Variants in GRHL2 observed in about 807,000 individuals in gnomAD.
GRHL2 encodes the protein grainyhead like transcription factor 2.
A neutral mutation model predicts 83.8 loss-of-function variants in GRHL2; 21 were observed. That is an observed-to-expected ratio of 0.25 (90% CI 0.18 to 0.36). GRHL2 has a LOEUF of 0.36. GRHL2 is among the 10% of genes least tolerant of loss of function. The probability of loss-of-function intolerance (pLI) is 1.00; values close to 1 mark genes in which losing one functional copy is unlikely to be tolerated. For synonymous variants in GRHL2, 280 were observed against 278.9 expected (o/e 1.00, Z -0.04); for missense variants, 623 against 781.8 (o/e 0.80, Z 2.42).
At chr8:101,538,967 A>G (rs1811099045) in intron 1 of GRHL2, among the ~76,000 whole-genome samples, 1 of 152,246 alleles carries the variant, frequency 6.6e-6, no homozygotes, top group South Asian at 2.1e-4. Context: ...GGATTCATCA[A>G]CAATTTCATT....
intron 1 of GRHL2, among the ~76,000 whole-genome samples, chr8:101,496,387 T>G (rs1810106186): frequency 1.3e-5 from 2 of 152,226 alleles, no homozygotes; most frequent in African/African-American, 4.8e-5. Context: ...TGTTTACATT[T>G]GGCTATGCAA....
chr8:101,534,517 C>G (rs907946721), intron 1 of GRHL2, among the ~76,000 whole-genome samples: 4 of 151,840 alleles, frequency 2.6e-5, no homozygotes, highest in African/African-American at 9.7e-5. Flanking sequence ...TCTGCTATGT[C>G]CTATTGGTCA....
At chr8:101,662,745 TAGAAC>T (rs1341599402) in intron 14 of GRHL2, among the ~76,000 whole-genome samples, 9 of 152,126 alleles carry the variant, frequency 5.9e-5, no homozygotes, top group Non-Finnish European at 1.0e-4. Context: ...TAAAAATAAA[TAGAAC>T]AGAATTTTTC....
Position 101,509,984 on chromosome 8 carries a change from TTTTA to T in GRHL2, c.20+17215_20+17218del, listed in dbSNP as rs150177284. Among the ~76,000 whole-genome samples the T allele has an allele frequency of 1.8e-4, 27 of 152,156 alleles. No individual in the cohort carries two copies. In the East Asian group the frequency reaches 4.8e-3, roughly 27 times the overall value. Reference sequence around the variant, plus strand: ...TTAAGTAATTGGTTGTATTGCATATTTTTATTTATTTATTTATTTATTTTGAGAC... The same window carrying T: ...TTAAGTAATTGGTTGTATTGCATATTTTTATTTATTTATTTATTTTGAGAC... On this transcript the variant is annotated intron_variant, in intron 1 of 15. Coordinates refer to ENST00000646743, the MANE Select transcript of GRHL2 (RefSeq NM_024915.4).
At chr8:101,637,052 C>CCG (rs1813302341) in intron 12 of GRHL2, 124 bp downstream of exon 12, 1 of 863,874 alleles carries the variant, frequency 1.2e-6, no homozygotes, top group Non-Finnish European at 2.0e-6. Context: ...GGACTCAGAG[C>CCG]TGAGAGACGC....
chr8:101,577,538 C>G lies in GRHL2; in HGVS notation c.1003+19C>G, dbSNP rs767163573. The G allele has an allele frequency of 1.4e-5, 20 of 1,475,246 alleles. No homozygotes were observed. The highest frequency in any genetic ancestry group is 1.7e-5 in the Non-Finnish European group (18 of 1,054,170). The allele number at this position is 1,475,246 out of a possible 1,614,324, so 91.4% of individuals were successfully genotyped here. A position where few individuals can be genotyped will look rare whatever the true frequency, so the allele number is the denominator to read the frequency against. On this transcript the variant is annotated intron_variant, in intron 7 of 15. Transcript: ENST00000646743. ...GACATTGGTAAGTTGACCTTGACTTCCCTGTATAGTCCTCGATAAACTGAC... is the reference window on the plus strand; with the variant it reads ...GACATTGGTAAGTTGACCTTGACTTGCCTGTATAGTCCTCGATAAACTGAC...
intron 13 of GRHL2, among the ~76,000 whole-genome samples, chr8:101,646,228 C>T (rs983542565): frequency 1.3e-5 from 2 of 152,214 alleles, no homozygotes; most frequent in Non-Finnish European, 2.9e-5. Flanking sequence ...TACATTTGAA[C>T]CTCATTCTTG....
intron 5 of GRHL2, among the ~76,000 whole-genome samples, chr8:101,572,545 G>A (rs1462870983): frequency 2.0e-5 from 3 of 152,150 alleles, no homozygotes; most frequent in African/African-American, 7.2e-5. Context: ...AGTCATCTTT[G>A]TGCCCAGCCT....
At chr8:101,496,091 T>A (rs1810096736) in intron 1 of GRHL2, among the ~76,000 whole-genome samples, 1 of 142,728 alleles carries the variant, frequency 7.0e-6, no homozygotes, top group South Asian at 2.2e-4. Flanking sequence ...GGGGTTGCAG[T>A]GAGCTGAGAT....
At chr8:101,652,374 ATGTGTGTGTGGTGTGTGTGTGTGTC>A (rs1813656046) in intron 14 of GRHL2, among the ~76,000 whole-genome samples, 1 of 92,368 alleles carries the variant, frequency 1.1e-5, no homozygotes, top group African/African-American at 7.0e-5. Flanking sequence ...TGTGTGTCTG[ATGTGTGTGTGGTGTGTGTGTGTGTC>A]TGGTGTGTGT....
intron 8 of GRHL2, among the ~76,000 whole-genome samples, chr8:101,612,516 GATAGATACATACATACATACATAC>G (rs1812772375): frequency 1.3e-5 from 1 of 79,736 alleles, no homozygotes; most frequent in Admixed American, 1.3e-4. Flanking sequence ...TAGATAGATA[GATAGATACATACATACATACATAC>G]ATACATACAT....
At position 101,558,773 on chromosome 8, in the gene GRHL2, C is replaced by G. The variant is rs532798712; in HGVS notation, c.639C>G (p.Asp213Glu). 6.2e-7 allele frequency: 1 copy of G among 1,614,168 alleles called. No homozygotes were observed. Among genetic ancestry groups the G allele is most frequent in the East Asian group, 2.2e-5 (1 of 44,866 alleles). The part of the protein sequence containing the change: ...YLKDDQRSTP[D>E]STYSESFKDA... ...AAGACGACCAGCGCAGCACTCCGGACAGCACATACAGCGAGAGCTTCAAGG... is the reference window on the plus strand; with the variant it reads ...AAGACGACCAGCGCAGCACTCCGGAGAGCACATACAGCGAGAGCTTCAAGG... Residue 213 changes from aspartate to glutamate, a missense_variant, in exon 4 of 16, where the codon GAC becomes GAG. Asp to Glu is a conservative substitution (Grantham distance 45, BLOSUM62 2). This residue lies in a region of GRHL2 where 239 missense variants were observed against 240.5 expected (regional missense o/e 0.99). Transcript: ENST00000646743.
At chr8:101,566,378 AG>A (rs1811716969) in intron 4 of GRHL2, among the ~76,000 whole-genome samples, 1 of 106,140 alleles carries the variant, frequency 9.4e-6, no homozygotes, top group South Asian at 3.0e-4. Flanking sequence ...GTTCTGTTAA[AG>A]CTGTTATTTA....
chr8:101,523,233 G>C (rs902138626), intron 1 of GRHL2, among the ~76,000 whole-genome samples: 1 of 151,522 alleles, frequency 6.6e-6, no homozygotes, highest in African/African-American at 2.4e-5. Flanking sequence ...TTCTTACAAG[G>C]AATGAAAGGG....
At chr8:101,574,814 A>T (rs1811901540) in intron 6 of GRHL2, among the ~76,000 whole-genome samples, 1 of 152,234 alleles carries the variant, frequency 6.6e-6, no homozygotes, top group Non-Finnish European at 1.5e-5. Context: ...GAGTCATAAA[A>T]TAACAATTTA....
intron 7 of GRHL2, among the ~76,000 whole-genome samples, chr8:101,586,754 T>C (rs1812179603): frequency 6.6e-6 from 1 of 152,162 alleles, no homozygotes; most frequent in African/African-American, 2.4e-5. Context: ...ATGTGTGGTT[T>C]TGTGCGTTTA....
In GRHL2 at chr8:101,649,473, C is replaced by G; in HGVS notation, c.1672C>G (p.Pro558Ala). 1.2e-6 allele frequency: 2 copies of G among 1,613,928 alleles called. No individual in the cohort carries two copies. The highest frequency in any genetic ancestry group is 1.3e-5 in the African/African-American group (1 of 75,020). The change falls in exon 14 of 16, where the codon CCC (proline) becomes GCC (alanine). Residue 558 changes from proline (P) to alanine (A), a missense_variant. Physicochemically the swap from Pro to Ala is conservative, Grantham distance 27. This residue lies in a region of GRHL2 where 210 missense variants were observed against 254.8 expected (regional missense o/e 0.82). Coordinates refer to ENST00000646743, the MANE Select transcript of GRHL2 (RefSeq NM_024915.4). ...GTTCGATGCATTGATGTTGAAGTCT[C>G]CCACAGTGAAGGGCCTGATGGAAGC... ...DVFDALMLKS[P>A]TVKGLMEAIS... is the part of the protein sequence containing the mutation.
At chr8:101,565,650 G>C (rs1811701943) in intron 4 of GRHL2, among the ~76,000 whole-genome samples, 1 of 152,102 alleles carries the variant, frequency 6.6e-6, no homozygotes, top group African/African-American at 2.4e-5. Flanking sequence ...TAGTCATATT[G>C]ACTAGTTGAC....
the GRHL2 span, among the ~76,000 whole-genome samples, chr8:101,677,431 G>A: frequency 8.6e-5 from 13 of 151,562 alleles, no homozygotes; most frequent in Non-Finnish European, 1.3e-4. Context: ...CCACCCCCAC[G>A]CCTACCTCCA....
Sources: gnomAD v4.1 joint callset for allele counts (sites outside exome capture counted in the v4.1 genomes callset) on GRCh38, gnomAD v4.1.1 for gene constraint, gnomAD v4.1.1 regional missense constraint, MANE v1.5 for transcripts, NCBI Gene and HGNC (gene_info 2026-07-23, HGNC 2026-07-21) for gene names.